The following CACNA1C variants were observed in gnomAD, a reference collection of about 807,000 sequenced individuals.
The protein encoded by CACNA1C is voltage-dependent L-type calcium channel subunit alpha-1C.
A neutral mutation model predicts 229.0 loss-of-function variants in CACNA1C; 30 were observed. That is an observed-to-expected ratio of 0.13 (90% CI 0.10 to 0.18). CACNA1C has a LOEUF of 0.18. Among genes scored for constraint, CACNA1C ranks in the 10% least tolerant of loss-of-function variants. CACNA1C has a pLI of 1.00. For missense variants in CACNA1C, 1,658 were observed against 2,845.0 expected (o/e 0.58, Z 9.49); for synonymous variants, 1,114 against 1,132.5 (o/e 0.98, Z 0.33).
intron 38 of CACNA1C, among the ~76,000 whole-genome samples, chr12:2,671,854 C>T (rs1213797593): frequency 6.6e-6 from 1 of 150,512 alleles, no homozygotes; most frequent in Non-Finnish European, 1.5e-5. Flanking sequence ...CCAAAGGGCC[C>T]GAAACGCCCC....
intron 7 of CACNA1C, among the ~76,000 whole-genome samples, chr12:2,497,202 A>G (rs1475484149): frequency 2.6e-5 from 4 of 152,246 alleles, no homozygotes; most frequent in African/African-American, 9.6e-5. Flanking sequence ...ATTCATAGGC[A>G]TGCTCTGAGA....
At chr12:2,578,158 G>A (rs894980943) in intron 13 of CACNA1C, among the ~76,000 whole-genome samples, 17 of 152,312 alleles carry the variant, frequency 1.1e-4, no homozygotes, top group South Asian at 1.0e-3. Flanking sequence ...GTGAGCCACC[G>A]CGCCCGGCCA....
upstream of CACNA1C, chr12:2,049,562 A>T (rs969490322): frequency 6.6e-6 from 1 of 152,246 alleles, no homozygotes; most frequent in South Asian, 2.1e-4. Flanking sequence ...TTGAGTGTCC[A>T]TATGTACAAG....
intron 3 of CACNA1C, among the ~76,000 whole-genome samples, chr12:2,145,747 G>T (rs966471947): frequency 6.6e-6 from 1 of 151,256 alleles, no homozygotes; most frequent in Non-Finnish European, 1.5e-5. Flanking sequence ...GTGGGATTTC[G>T]TGGCAGGAGT....
intron 1 of CACNA1C, among the ~76,000 whole-genome samples, chr12:2,079,272 A>AT (rs2064514304): frequency 6.6e-6 from 1 of 152,054 alleles, no homozygotes; most frequent in South Asian, 2.1e-4. Flanking sequence ...TAAAACTTAA[A>AT]ATATAATAAT....
chr12:2,201,812 G>C (rs564525869), intron 3 of CACNA1C, among the ~76,000 whole-genome samples: 1 of 152,150 alleles, frequency 6.6e-6, no homozygotes, highest in Admixed American at 6.5e-5. Context: ...ATGCTTCATT[G>C]GCCAGGGGCT....
At chr12:2,506,094 C>T (rs1015303964) in intron 8 of CACNA1C, among the ~76,000 whole-genome samples, 2 of 152,184 alleles carry the variant, frequency 1.3e-5, no homozygotes, top group Non-Finnish European at 2.9e-5. Flanking sequence ...CTCCTCCCAG[C>T]TCTTCCACCT....
At chr12:2,560,848 TAAAAAAAAAAAA>T in intron 11 of CACNA1C, among the ~76,000 whole-genome samples, 1 of 113,080 alleles carries the variant, frequency 8.8e-6, no homozygotes, top group Non-Finnish European at 1.7e-5. Flanking sequence ...TTGGTTCTGG[TAAAAAAAAAAAA>T]AAAAAAAAAA....
chr12:2,177,971 C>T (rs559457085), intron 3 of CACNA1C, among the ~76,000 whole-genome samples: 23 of 152,218 alleles, frequency 1.5e-4, no homozygotes, highest in Middle Eastern at 3.4e-3. Context: ...CTCTGAGATT[C>T]CCACAAGCCT....
chr12:2,231,539 CA>C (rs1158075454), intron 3 of CACNA1C, among the ~76,000 whole-genome samples: 3 of 152,140 alleles, frequency 2.0e-5, no homozygotes, highest in Non-Finnish European at 4.4e-5. Context: ...AAACTGAAGG[CA>C]GAGACAACAA....
Position 2,688,703 on chromosome 12 carries a change from T to C in CACNA1C, c.6041T>C (p.Val2014Ala). The change falls in exon 46 of 47, where the codon GTC becomes GCC. Residue 2014 changes from valine (V) to alanine (A), a missense_variant. This residue lies in a region of CACNA1C where 590 missense variants were observed against 700.8 expected (regional missense o/e 0.84). Transcript: ENST00000399655. The stretch of plus-strand genomic sequence containing the variant: ...AGCGCCGCCCGGAGAGTCCGGCCCG[T>C]CTCCCTCATGGTGCCCAGCCAGGCT... ...GSSAARRVRPVSLMVPSQAGA... is the reference protein window; with the variant it reads ...GSSAARRVRPASLMVPSQAGA... The C allele has an allele frequency of 6.2e-7, 1 of 1,611,134 alleles. No individual in the cohort carries two copies. The highest frequency in any genetic ancestry group is 1.7e-5 in the Admixed American group (1 of 59,848).
intron 5 of CACNA1C, among the ~76,000 whole-genome samples, chr12:2,458,941 G>C (rs2099468224): frequency 1.3e-5 from 2 of 150,502 alleles, no homozygotes; most frequent in East Asian, 3.9e-4. Context: ...AAAGAATTAA[G>C]TGGTATATCT....
intron 29 of CACNA1C, among the ~76,000 whole-genome samples, chr12:2,631,321 G>A (rs758942200): frequency 5.9e-5 from 9 of 152,072 alleles, no homozygotes; most frequent in Non-Finnish European, 1.3e-4. Flanking sequence ...ACGCTTTCTA[G>A]GCTGATGCAG....
Position 2,285,379 on chromosome 12 carries a change from A to G in CACNA1C, c.478-163597A>G, listed in dbSNP as rs2092472286. Among the ~76,000 whole-genome samples the G allele has an allele frequency of 6.6e-6, 1 of 152,196 alleles. No homozygotes were observed. The highest frequency in any genetic ancestry group is 2.4e-5 in the African/African-American group (1 of 41,456). ...CCCCTCTCCTAAAAGCCAGTTGCTA[A>G]AACATTTAACAACATACCACTGGCT... On this transcript the variant is annotated intron_variant, in intron 3 of 46. Transcript: ENST00000399655. The surrounding 1 kb of genome is among the most constrained non-coding windows in gnomAD (Gnocchi z 4.2).
At position 2,674,838 on chromosome 12, in the gene CACNA1C, G is replaced by T. The variant is rs113957250; in HGVS notation, c.4828+196G>T. Among the ~76,000 whole-genome samples, 7,457 of 152,272 alleles carry T rather than the reference G, an allele frequency of 0.049. 602 individuals are homozygous for T. Among genetic ancestry groups the T allele is most frequent in the African/African-American group, 0.16 (6,838 of 41,520 alleles). On this transcript the variant is annotated intron_variant, in intron 39 of 46. Coordinates refer to ENST00000399655, the MANE Select transcript of CACNA1C (RefSeq NM_000719.7). ...CAGAGGCCCTGTTGGTTAGAAGGGAGGCAGGTGCAACGCCCTGCACAAACT... is the reference window on the plus strand; with the variant it reads ...CAGAGGCCCTGTTGGTTAGAAGGGATGCAGGTGCAACGCCCTGCACAAACT...
chr12:2,026,313 C>T (rs576232266), intron 1 of CACNA1C, among the ~76,000 whole-genome samples: 19 of 152,252 alleles, frequency 1.2e-4, no homozygotes, highest in Middle Eastern at 3.4e-3. Context: ...CTGTTGGTAA[C>T]GGGGAGCCTT....
At chr12:2,033,450 T>C (rs1364139168) in intron 1 of CACNA1C, among the ~76,000 whole-genome samples, 1 of 152,132 alleles carries the variant, frequency 6.6e-6, no homozygotes, top group East Asian at 1.9e-4. Context: ...TCAAAACACA[T>C]AAGGCCGACT....
rs567851456 is a variant in CACNA1C, at chr12:2,174,324, T to C, written c.477+53894T>C. On this transcript the variant is annotated intron_variant, in intron 3 of 46. Coordinates refer to ENST00000399655, the MANE Select transcript of CACNA1C (RefSeq NM_000719.7). ...AAATGAGCAGCTCTTCAGCTGCTAGTACTTGACCTCCAACCAGAATTGATG... is the reference window on the plus strand; with the variant it reads ...AAATGAGCAGCTCTTCAGCTGCTAGCACTTGACCTCCAACCAGAATTGATG... 3.7e-4 allele frequency among the ~76,000 whole-genome samples: 57 copies of C among 152,314 alleles called. 1 individual carries two copies. Among genetic ancestry groups the C allele is most frequent in the African/African-American group, 1.0e-3 (42 of 41,576 alleles).
intron 9 of CACNA1C, among the ~76,000 whole-genome samples, chr12:2,538,997 G>A (rs1036266834): frequency 3.9e-5 from 6 of 152,164 alleles, no homozygotes; most frequent in African/African-American, 9.7e-5. Flanking sequence ...TTTCAGCGAC[G>A]TCGCCTGATG....
Sources: gnomAD v4.1 joint callset for allele counts (sites outside exome capture counted in the v4.1 genomes callset) on GRCh38, gnomAD v4.1.1 for gene constraint, gnomAD v4.1.1 regional missense constraint, Gnocchi (gnomAD v3.1) non-coding constraint, MANE v1.5 for transcripts, NCBI Gene and HGNC (gene_info 2026-07-23, HGNC 2026-07-21) for gene names.